SSR1: variants seen among roughly 807,000 people sequenced by gnomAD.
SSR1 encodes signal sequence receptor subunit 1.
SSR1 carries 13 observed loss-of-function variants against 36.1 expected under a neutral mutation model. The ratio of observed to expected loss-of-function variants is 0.36; its 90% CI spans 0.23 to 0.57. The LOEUF (loss-of-function observed/expected upper bound fraction) is 0.57, where lower values mean the gene tolerates loss of function less well. Ranked by LOEUF, SSR1 falls within the 20% of genes least tolerant of loss-of-function variation. The probability of loss-of-function intolerance (pLI) is 0.81; values close to 1 mark genes in which losing one functional copy is unlikely to be tolerated. For synonymous variants in SSR1, 113 were observed against 118.9 expected (o/e 0.95, Z 0.32); for missense variants, 291 against 338.5 (o/e 0.86, Z 1.10).
chr6:7,290,021 C>A, intron 7 of SSR1, 90 bp from the exon 8 acceptor site: 1 of 993,778 alleles, frequency 1.0e-6, no homozygotes, highest in Non-Finnish European at 1.4e-6. Context: ...TCAACTTTAC[C>A]ACTAAGTTAC....
At chr6:7,310,077 T>A in intron 1 of SSR1, 48 bp from the exon 2 acceptor site, 1 of 1,503,312 alleles carries the variant, frequency 6.7e-7, no homozygotes, top group Non-Finnish European at 9.2e-7. Context: ...TCTGAAATAC[T>A]AATTTCTTTT....
intron 2 of SSR1, among the ~76,000 whole-genome samples, chr6:7,305,981 CA>C (rs1390807911): frequency 1.3e-5 from 2 of 152,208 alleles, no homozygotes; most frequent in Non-Finnish European, 2.9e-5. Flanking sequence ...CTATTGCAAA[CA>C]ATCTCCAGAG....
Position 7,313,174 on chromosome 6 carries a change from G to A in SSR1, c.-54C>T, listed in dbSNP as rs1008717807. ...GTCGGCTAAGGCTCTCGGCGGCTCC[G>A]GCGGTAATGGCGTTACTCTTCATCC... On this transcript the variant is annotated 5_prime_UTR_variant, in exon 1 of 8. Coordinates refer to ENST00000244763, the MANE Select transcript of SSR1 (RefSeq NM_003144.5). 2.2e-5 allele frequency: 33 copies of A among 1,495,916 alleles called. No individual in the cohort carries two copies. Among genetic ancestry groups the A allele is most frequent in the East Asian group, 5.1e-5 (2 of 39,200 alleles). 92.7% of individuals were successfully genotyped at this position (1,495,916 alleles called of 1,614,324 possible). A position where few individuals can be genotyped will look rare whatever the true frequency, so the allele number is the denominator to read the frequency against.
At chr6:7,294,122 G>A (rs77454875) in intron 7 of SSR1, among the ~76,000 whole-genome samples, 17,299 of 151,968 alleles carry the variant, frequency 0.11, 1,306 homozygotes, top group Non-Finnish European at 0.17. Flanking sequence ...ATCATCTGTA[G>A]GAGTGAAAAA....
intron 7 of SSR1, among the ~76,000 whole-genome samples, chr6:7,292,413 TC>T (rs1342806198): frequency 2.0e-5 from 3 of 152,200 alleles, no homozygotes; most frequent in Admixed American, 6.5e-5. Context: ...ATCCTTCTAC[TC>T]CCTTTTACTC....
chr6:7,295,021 T>TA (rs1269440894), intron 7 of SSR1: 4 of 1,377,878 alleles, frequency 2.9e-6, no homozygotes, highest in Non-Finnish European at 3.8e-6. Context: ...TGACGTAAAA[T>TA]ATTTACGTGC....
At chr6:7,297,767 C>T (rs1471064414) in intron 6 of SSR1, among the ~76,000 whole-genome samples, 156 bp downstream of exon 6, 1 of 152,124 alleles carries the variant, frequency 6.6e-6, no homozygotes, top group Non-Finnish European at 1.5e-5. Context: ...AATCAATTTA[C>T]ATATCTAAGG....
rs956666794 is a variant in SSR1 at position 7,287,921 on chromosome 6, T to C, written c.*1943A>G. 6.6e-6 allele frequency: 1 copy of C among 150,674 alleles called. No homozygotes were observed. The highest frequency in any genetic ancestry group is 2.5e-5 in the African/African-American group (1 of 40,634). The allele number at this position is 150,674 out of a possible 1,614,324, so 9.3% of individuals were successfully genotyped here. On this transcript the variant is annotated 3_prime_UTR_variant, in exon 8 of 8. Transcript: ENST00000244763. ...TAAGAGTTCAACTGTTCTCAATCTA[T>C]GCTAAAAAAAAAAAAATGACAAATA...
rs1757456420 is a variant in SSR1 at position 7,282,774 on chromosome 6, G to C, written c.*7090C>G. 6.6e-6 allele frequency: 1 copy of C among 152,238 alleles called. No individual in the cohort carries two copies. The highest frequency in any genetic ancestry group is 1.5e-5 in the Non-Finnish European group (1 of 68,066). The allele number at this position is 152,238 out of a possible 1,614,324, so 9.4% of individuals were successfully genotyped here. On this transcript the variant is annotated 3_prime_UTR_variant, in exon 8 of 8. Coordinates refer to ENST00000244763, the MANE Select transcript of SSR1 (RefSeq NM_003144.5). ...CTAGATCTGATTCCCACAGTGGAGG[G>C]ACAAAGGGCCAGCAGCTTGTAGGAC...
At chr6:7,310,905 C>T (rs899633541) in intron 1 of SSR1, among the ~76,000 whole-genome samples, 8 of 151,846 alleles carry the variant, frequency 5.3e-5, no homozygotes, top group Non-Finnish European at 1.0e-4. Context: ...AGCAAGACAC[C>T]GTCTCAAAAA....
Position 7,313,092 on chromosome 6 carries a change from A to C in SSR1, c.29T>G (p.Leu10Arg). 2 of 1,608,390 alleles carry C rather than the reference A, an allele frequency of 1.2e-6. No individual in the cohort carries two copies. Among genetic ancestry groups the C allele is most frequent in the African/African-American group, 2.7e-5 (2 of 74,490 alleles). The change falls in exon 1 of 8, where the codon CTT (leucine) becomes CGT (arginine). Residue 10 changes from leucine to arginine, a missense_variant. Leu to Arg is a moderately radical substitution (Grantham distance 102, BLOSUM62 -2). Transcript: ENST00000244763. MRLLPRLLL[L>R]LLLVFPATVL... ...AGTGGCAGGGAACACGAGTAAGAGA[A>C]GCAGCAGCAAGCGGGGGAGGAGTCT... is the stretch of plus-strand genomic sequence containing the variant.
chr6:7,306,245 C>T (rs1427943331), intron 2 of SSR1, among the ~76,000 whole-genome samples: 1 of 152,132 alleles, frequency 6.6e-6, no homozygotes. Flanking sequence ...CAGGTTCACG[C>T]CATTCTCCTG....
At chr6:7,297,861 G>T in intron 6 of SSR1, 62 bp downstream of exon 6, 1 of 1,313,450 alleles carries the variant, frequency 7.6e-7, no homozygotes, top group Non-Finnish European at 1.1e-6. Flanking sequence ...GAACTAGACT[G>T]CTTAACTTAG....
At chr6:7,303,512 T>C (rs1757983922) in intron 3 of SSR1, 38 bp downstream of exon 3, 4 of 1,436,490 alleles carry the variant, frequency 2.8e-6, no homozygotes, top group Non-Finnish European at 3.9e-6. Context: ...CGTTTTAAAA[T>C]GCCTACATCT....
In SSR1 at chr6:7,285,662, CA is replaced by C. The variant is rs1757534743; in HGVS notation, c.*4201del. 6.8e-6 allele frequency: 1 copy of C among 147,538 alleles called. No homozygotes were observed. The highest frequency in any genetic ancestry group is 2.2e-4 in the South Asian group (1 of 4,532). The allele number at this position is 147,538 out of a possible 1,614,324, so 9.1% of individuals were successfully genotyped here. A position where few individuals can be genotyped will look rare whatever the true frequency, so the allele number is the denominator to read the frequency against. On this transcript the variant is annotated 3_prime_UTR_variant, in exon 8 of 8. Coordinates refer to ENST00000244763, the MANE Select transcript of SSR1 (RefSeq NM_003144.5). This position sits in a 1 kb window ranked among gnomAD's most constrained non-coding sequence, Gnocchi z 4.1. ...CCACTGCATTCCAGCCTGGGCAATA[CA>C]GTGAGACCCCATGTCAAAAAAAAAA...
intron 4 of SSR1, 160 bp from the exon 5 acceptor site, chr6:7,298,983 G>A (rs1415922079): frequency 5.0e-6 from 3 of 604,302 alleles, no homozygotes; most frequent in South Asian, 2.1e-5. Context: ...TCTGTGGCAG[G>A]GACTCAACAT....
In SSR1 at chr6:7,313,106, G is replaced by T; in HGVS notation, c.15C>A (p.Pro5=). 6.2e-7 allele frequency: 1 copy of T among 1,607,152 alleles called. No individual in the cohort carries two copies. ...CGAGTAAGAGAAGCAGCAGCAAGCG[G>T]GGGAGGAGTCTCATGGCGCTGCCGG... MRLL[P]RLLLLLLLVF... The change falls in exon 1 of 8, where the codon CCC becomes CCA. Residue 5 remains proline, a synonymous_variant. Transcript: ENST00000244763.
rs904632796 is a variant in SSR1, at chr6:7,289,419, T to C, written c.*445A>G. The C allele has an allele frequency of 1.3e-5, 2 of 159,866 alleles. No individual in the cohort carries two copies. Among genetic ancestry groups the C allele is most frequent in the African/African-American group, 2.4e-5 (1 of 41,648 alleles). The allele number at this position is 159,866 out of a possible 1,614,324, so 9.9% of individuals were successfully genotyped here. ...ACAAAATGCTGATTTGTGCCATCAA[T>C]TGAAATTTGAGCTATTCCAAAAATT... On this transcript the variant is annotated 3_prime_UTR_variant, in exon 8 of 8. Coordinates refer to ENST00000244763, the MANE Select transcript of SSR1 (RefSeq NM_003144.5).
At chr6:7,310,511 TA>T (rs1373191775) in intron 1 of SSR1, among the ~76,000 whole-genome samples, 1 of 152,224 alleles carries the variant, frequency 6.6e-6, no homozygotes, top group East Asian at 1.9e-4. Flanking sequence ...GCAACTTTGT[TA>T]AGCAAATTAA....
Sources: allele counts gnomAD v4.1 joint callset (sites outside exome capture counted in the v4.1 genomes callset), GRCh38; gene constraint gnomAD v4.1.1; non-coding constraint Gnocchi (gnomAD v3.1); transcripts MANE v1.5; gene names NCBI Gene and HGNC (gene_info 2026-07-23, HGNC 2026-07-21).